Variants in EYS observed in about 807,000 individuals in gnomAD.
EYS encodes the protein EGF-like photoreceptor maintenance factor.
Under a neutral mutation model 282.1 loss-of-function variants are expected in EYS, and 250 were observed. That is an observed-to-expected ratio of 0.89 (90% confidence interval 0.80 to 0.98). EYS has a LOEUF of 0.98. Ranked by LOEUF, EYS falls within the 50% of genes least tolerant of loss-of-function variation. The pLI, the probability that EYS is intolerant of heterozygous loss-of-function variation, is 0.00. For synonymous variants in EYS, 1,355 were observed against 1,282.9 expected (o/e 1.06, Z -1.20); for missense variants, 4,016 against 3,709.0 (o/e 1.08, Z -2.15).
intron 5 of EYS, among the ~76,000 whole-genome samples, chr6:65,480,517 C>T (rs971706957): frequency 6.6e-6 from 1 of 152,058 alleles, no homozygotes; most frequent in Admixed American, 6.6e-5. Flanking sequence ...GCCATTTCCT[C>T]AAATGGTAAA....
intron 21 of EYS, among the ~76,000 whole-genome samples, chr6:64,816,449 A>G (rs1764742989): frequency 2.6e-5 from 4 of 152,042 alleles, no homozygotes; most frequent in Admixed American, 2.6e-4. Flanking sequence ...TAGTAAAAAG[A>G]GTCTGGAAAA....
At chr6:64,684,188 C>T (rs961160634) in intron 22 of EYS, among the ~76,000 whole-genome samples, 1 of 152,058 alleles carries the variant, frequency 6.6e-6, no homozygotes, top group Non-Finnish European at 1.5e-5. Context: ...TATCTGACTT[C>T]CGGTCAGAGA....
intron 29 of EYS, among the ~76,000 whole-genome samples, chr6:64,374,754 G>C (rs1772511265): frequency 6.6e-6 from 1 of 152,196 alleles, no homozygotes; most frequent in African/African-American, 2.4e-5. Flanking sequence ...ATGTTTGGGA[G>C]AAATCTAGTA....
At chr6:64,803,640 G>C (rs1241100407) in intron 22 of EYS, among the ~76,000 whole-genome samples, 2 of 152,164 alleles carry the variant, frequency 1.3e-5, no homozygotes, top group Non-Finnish European at 2.9e-5. Flanking sequence ...TTGTGGAGGG[G>C]CGTCTGCAGG....
At chr6:64,132,589 C>G (rs529040318) in intron 31 of EYS, among the ~76,000 whole-genome samples, 2 of 151,962 alleles carry the variant, frequency 1.3e-5, no homozygotes, top group African/African-American at 4.8e-5. Flanking sequence ...AAGAAAGTGT[C>G]TCTCATGTAA....
intron 35 of EYS, among the ~76,000 whole-genome samples, chr6:63,900,239 G>T (rs1313268377): frequency 2.6e-5 from 4 of 152,000 alleles, no homozygotes; most frequent in Non-Finnish European, 5.9e-5. Context: ...CAATAAAAAT[G>T]CAATAACAAA....
intron 22 of EYS, among the ~76,000 whole-genome samples, chr6:64,651,533 A>G (rs921920868): frequency 1.3e-5 from 2 of 152,208 alleles, no homozygotes; most frequent in Admixed American, 6.5e-5. Flanking sequence ...AAATATTCAT[A>G]AAGGCTAGGC....
At chr6:65,431,538 C>CT (rs1767886131) in intron 5 of EYS, among the ~76,000 whole-genome samples, 1 of 151,900 alleles carries the variant, frequency 6.6e-6, no homozygotes, top group Non-Finnish European at 1.5e-5. Flanking sequence ...TTCTGGGGAG[C>CT]TTTCCTTCTT....
chr6:63,847,932 A>G (rs905524168), intron 36 of EYS, among the ~76,000 whole-genome samples: 3 of 152,226 alleles, frequency 2.0e-5, no homozygotes, highest in Non-Finnish European at 4.4e-5. Context: ...GAGAAATAAT[A>G]AAGCAAGGGT....
At chr6:65,202,664 T>A (rs906233032) in intron 12 of EYS, among the ~76,000 whole-genome samples, 1 of 152,216 alleles carries the variant, frequency 6.6e-6, no homozygotes, top group Non-Finnish European at 1.5e-5. Context: ...TCTTTAGACC[T>A]GACTGAAAAG....
intron 12 of EYS, among the ~76,000 whole-genome samples, chr6:65,262,223 C>G (rs1167104351): frequency 6.6e-6 from 1 of 152,042 alleles, no homozygotes; most frequent in African/African-American, 2.4e-5. Flanking sequence ...TGTGTTACTT[C>G]TTACTAAAGA....
At chr6:64,163,417 T>C (rs1245223495) in intron 31 of EYS, among the ~76,000 whole-genome samples, 2 of 152,116 alleles carry the variant, frequency 1.3e-5, no homozygotes. Flanking sequence ...GAAAGATGAA[T>C]ACTCTTTGCA....
At chr6:65,659,785 A>T (rs1218358514) in intron 1 of EYS, among the ~76,000 whole-genome samples, 1 of 151,740 alleles carries the variant, frequency 6.6e-6, no homozygotes, top group African/African-American at 2.4e-5. Flanking sequence ...TTTATTTATT[A>T]TTCTATGTAC....
intron 19 of EYS, among the ~76,000 whole-genome samples, chr6:64,871,549 T>C (rs1199216756): frequency 1.3e-5 from 2 of 151,950 alleles, no homozygotes; most frequent in African/African-American, 2.4e-5. Flanking sequence ...AAGTCATCTC[T>C]TGCTCTTAGA....
At chr6:64,850,814 A>C (rs912352034) in intron 19 of EYS, among the ~76,000 whole-genome samples, 5 of 152,124 alleles carry the variant, frequency 3.3e-5, no homozygotes, top group African/African-American at 1.2e-4. Context: ...CAGATAGAAT[A>C]TTAGACTAGT....
chr6:64,404,943 G>T (rs1773659346), intron 28 of EYS, among the ~76,000 whole-genome samples: 1 of 152,062 alleles, frequency 6.6e-6, no homozygotes, highest in South Asian at 2.1e-4. Context: ...TAGAGAAAAA[G>T]TCAAGGCCAC....
chr6:64,948,135 T>A (rs1346416163), intron 14 of EYS, among the ~76,000 whole-genome samples: 1 of 151,698 alleles, frequency 6.6e-6, no homozygotes, highest in East Asian at 1.9e-4. Flanking sequence ...GAATTCCAGA[T>A]ATGATGAACT....
At chr6:65,508,747 G>C (rs908979266) in intron 2 of EYS, among the ~76,000 whole-genome samples, 6 of 151,972 alleles carry the variant, frequency 3.9e-5, no homozygotes, top group African/African-American at 1.4e-4. Context: ...CAGGGGGCTA[G>C]AGTATGACAA....
intron 12 of EYS, among the ~76,000 whole-genome samples, chr6:65,068,183 A>G (rs781399029): frequency 6.6e-6 from 1 of 152,126 alleles, no homozygotes; most frequent in Admixed American, 6.6e-5. Context: ...TAATGCCAAC[A>G]TGCATTTAGA....
Sources: allele counts gnomAD v4.1 joint callset (sites outside exome capture counted in the v4.1 genomes callset), GRCh38; gene constraint gnomAD v4.1.1; transcripts MANE v1.5; gene names NCBI Gene and HGNC (gene_info 2026-07-23, HGNC 2026-07-21).